The following HECW1 variants were observed in gnomAD, a reference collection of about 807,000 sequenced individuals.
HECW1 encodes HECT, C2 and WW domain containing E3 ubiquitin protein ligase 1.
A neutral mutation model predicts 182.3 loss-of-function variants in HECW1; 61 were observed. The ratio of observed to expected loss-of-function variants is 0.33; its 90% CI spans 0.27 to 0.41. HECW1 has a LOEUF of 0.41. Among genes scored for constraint, HECW1 ranks in the 10% least tolerant of loss-of-function variants. HECW1 has a pLI of 1.00. For synonymous variants in HECW1, 859 were observed against 832.6 expected, an observed-to-expected ratio of 1.03 and a Z score of -0.55; for missense variants, 1,739 against 2,108.9, an observed-to-expected ratio of 0.82 and a Z score of 3.44.
chr7:43,364,666 G>A (rs537421184), intron 6 of HECW1, among the ~76,000 whole-genome samples: 6 of 152,362 alleles, frequency 3.9e-5, no homozygotes, highest in African/African-American at 1.2e-4. Flanking sequence ...AAAGGCACGG[G>A]GTGAGAAATG....
chr7:43,462,503 A>G (rs944234081), intron 13 of HECW1, among the ~76,000 whole-genome samples: 9 of 151,546 alleles, frequency 5.9e-5, no homozygotes, highest in Non-Finnish European at 1.3e-4. Flanking sequence ...GAAAAAAAAA[A>G]GAGAAAAGAA....
intron 2 of HECW1, among the ~76,000 whole-genome samples, chr7:43,132,398 A>G (rs1787046748): frequency 6.6e-6 from 1 of 152,208 alleles, no homozygotes; most frequent in Non-Finnish European, 1.5e-5. Flanking sequence ...CCTTGCACTT[A>G]ATTGTCGTAT....
At chr7:43,225,132 G>C (rs1299715325) in intron 2 of HECW1, among the ~76,000 whole-genome samples, 1 of 152,224 alleles carries the variant, frequency 6.6e-6, no homozygotes, top group Non-Finnish European at 1.5e-5. Flanking sequence ...CCTGGAGATG[G>C]ACTGAGCCAG....
chr7:43,311,674 C>G, intron 3 of HECW1, 89 bp from the exon 4 acceptor site: 1 of 1,204,130 alleles, frequency 8.3e-7, no homozygotes, highest in South Asian at 1.2e-5. Context: ...CAGCGCGTGT[C>G]TCCCAGCACA....
At chr7:43,350,061 A>T (rs921872737) in intron 5 of HECW1, among the ~76,000 whole-genome samples, 1 of 152,120 alleles carries the variant, frequency 6.6e-6, no homozygotes, top group Non-Finnish European at 1.5e-5. Context: ...TGGTTTGGTA[A>T]TGGCAAATTC....
intron 5 of HECW1, among the ~76,000 whole-genome samples, chr7:43,348,594 A>C (rs988328967): frequency 3.3e-5 from 5 of 151,748 alleles, no homozygotes; most frequent in African/African-American, 1.2e-4. Context: ...TAATTCCTTG[A>C]GATATGACTT....
rs556895844 is a variant in HECW1, at chr7:43,442,908, T to G, written c.1045+279T>G. Among the ~76,000 whole-genome samples, 7 of 152,312 alleles carry G rather than the reference T, an allele frequency of 4.6e-5. No homozygotes were observed. The South Asian group carries it at 1.4e-3, about 32-fold the overall frequency. On this transcript the variant is annotated intron_variant, in intron 10 of 29. Transcript: ENST00000395891. ...AACATGGATAGGGAGTTCTGTCTTA[T>G]TTATCATCCTACCCCCAGCACCCAC...
In HECW1 at chr7:43,411,885, T is replaced by G. The variant is rs186276435; in HGVS notation, c.801+4154T>G. Among the ~76,000 whole-genome samples, 94 of 152,276 alleles carry G rather than the reference T, an allele frequency of 6.2e-4. No homozygotes were observed. The East Asian group carries it at 0.017, about 27-fold the overall frequency. ...GACAGCATATTCTTCGGACTTAATTTCATTTATTACAATAATCTCTGCCTT... is the reference window on the plus strand; with the variant it reads ...GACAGCATATTCTTCGGACTTAATTGCATTTATTACAATAATCTCTGCCTT... On this transcript the variant is annotated intron_variant, in intron 8 of 29. Transcript: ENST00000395891.
At chr7:43,380,263 T>G (rs1466877011) in intron 6 of HECW1, among the ~76,000 whole-genome samples, 1 of 152,174 alleles carries the variant, frequency 6.6e-6, no homozygotes, top group Non-Finnish European at 1.5e-5. Flanking sequence ...GGAGTCTTGC[T>G]TTGTTGCCCA....
intron 4 of HECW1, among the ~76,000 whole-genome samples, chr7:43,315,388 A>T (rs956059566): frequency 6.7e-4 from 102 of 152,170 alleles, no homozygotes; most frequent in African/African-American, 2.3e-3. Context: ...CTGCAAGAGA[A>T]TGGCGCTTCT....
intron 6 of HECW1, among the ~76,000 whole-genome samples, chr7:43,363,350 C>G (rs181634542): frequency 6.6e-6 from 1 of 152,340 alleles, no homozygotes; most frequent in Admixed American, 6.5e-5. Flanking sequence ...TGCCTGATTG[C>G]TACTGCCCTG....
intron 12 of HECW1, among the ~76,000 whole-genome samples, chr7:43,453,266 G>A (rs1425493461): frequency 6.6e-6 from 1 of 152,150 alleles, no homozygotes; most frequent in East Asian, 1.9e-4. Context: ...CTTGGGCCAG[G>A]GTGGGAGCAG....
chr7:43,298,385 A>T (rs1156403894), intron 3 of HECW1, among the ~76,000 whole-genome samples: 1 of 152,228 alleles, frequency 6.6e-6, no homozygotes, highest in Non-Finnish European at 1.5e-5. Context: ...GAATAAATAA[A>T]TGAAGCCCTG....
intron 3 of HECW1, 134 bp from the exon 4 acceptor site, chr7:43,311,629 A>G (rs1270662723): frequency 7.2e-6 from 6 of 836,618 alleles, no homozygotes; most frequent in African/African-American, 1.7e-5. Context: ...GCTCTATGCC[A>G]TGTTTCATAT....
At chr7:43,338,288 G>A (rs141343915) in intron 5 of HECW1, among the ~76,000 whole-genome samples, 433 of 152,296 alleles carry the variant, frequency 2.8e-3, no homozygotes, top group Non-Finnish European at 3.7e-3. Context: ...GGACTGCAGC[G>A]TCAGTGCTGT....
At chr7:43,376,615 A>G (rs2074337272) in intron 6 of HECW1, among the ~76,000 whole-genome samples, 1 of 152,234 alleles carries the variant, frequency 6.6e-6, no homozygotes, top group Non-Finnish European at 1.5e-5. Flanking sequence ...CTATAATCCC[A>G]GCACTTTGGG....
chr7:43,507,923 G>C, intron 22 of HECW1, 95 bp from the exon 23 acceptor site: 1 of 766,408 alleles, frequency 1.3e-6, no homozygotes, highest in South Asian at 1.6e-5. Flanking sequence ...AGAGGCTGGG[G>C]AGTGAGAACC....
intron 2 of HECW1, among the ~76,000 whole-genome samples, chr7:43,130,837 A>T (rs192060918): frequency 9.3e-4 from 137 of 147,774 alleles, no homozygotes; most frequent in African/African-American, 3.3e-3. Flanking sequence ...TTCAGATTTC[A>T]GATTTTTGGA....
chr7:43,216,307 A>C (rs1416565415), intron 2 of HECW1, among the ~76,000 whole-genome samples: 1 of 151,760 alleles, frequency 6.6e-6, no homozygotes, highest in African/African-American at 2.4e-5. Context: ...CACCATGCCC[A>C]GCTAAGTTTT....
Sources: gnomAD v4.1 joint callset for allele counts (sites outside exome capture counted in the v4.1 genomes callset) on GRCh38, gnomAD v4.1.1 for gene constraint, MANE v1.5 for transcripts, NCBI Gene and HGNC (gene_info 2026-07-23, HGNC 2026-07-21) for gene names.